Variants in P4HA3 observed in about 807,000 individuals in gnomAD.
The protein encoded by P4HA3 is prolyl 4-hydroxylase subunit alpha-3.
P4HA3 carries 60 observed loss-of-function variants against 66.7 expected under a neutral mutation model. The ratio of observed to expected loss-of-function variants is 0.90; its 90% CI spans 0.73 to 1.12. P4HA3 has a LOEUF of 1.12. Ranked by LOEUF, P4HA3 falls within the 50% of genes most tolerant of loss-of-function variation. The pLI is 0.00. For synonymous variants in P4HA3, 263 were observed against 274.6 expected (o/e 0.96, Z 0.42); for missense variants, 683 against 685.8 (o/e 1.00, Z 0.05).
At chr11:74,273,988 T>A (rs1480464466) in intron 9 of P4HA3, among the ~76,000 whole-genome samples, 3 of 152,160 alleles carry the variant, frequency 2.0e-5, no homozygotes, top group African/African-American at 7.2e-5. Flanking sequence ...AATTACTTGC[T>A]GAAGAGACAT....
intron 4 of P4HA3, among the ~76,000 whole-genome samples, chr11:74,297,537 A>G (rs1372798297): frequency 6.6e-6 from 1 of 152,204 alleles, no homozygotes; most frequent in Non-Finnish European, 1.5e-5. Context: ...GGTTAGCTAT[A>G]CAAAAGCTAT....
chr11:74,303,887 A>C (rs1008402415), intron 2 of P4HA3, among the ~76,000 whole-genome samples: 1 of 152,098 alleles, frequency 6.6e-6, no homozygotes, highest in African/African-American at 2.4e-5. Flanking sequence ...CTGGCCGTCA[A>C]CAAACTTCTT....
rs1046754753 is a variant in P4HA3, at chr11:74,311,420, G to T, written c.192C>A (p.Asp64Glu). The change falls in exon 1 of 13, where the codon GAC (aspartate) becomes GAA (glutamate). Residue 64 changes from aspartate (D) to glutamate (E), a missense_variant. Physicochemically the swap from Asp to Glu is conservative, Grantham distance 45. Coordinates refer to ENST00000331597, the MANE Select transcript of P4HA3 (RefSeq NM_182904.5). ...ACTCGTCGTGCCCTCACCTAGTCAG[G>T]TCCCGCAGCCGCGCCTCCTCCCCGC... The part of the protein sequence containing the change: ...YLRGEEARLR[D>E]LTRFYDKVLS... The T allele has an allele frequency of 6.5e-7, 1 of 1,526,932 alleles. No homozygotes were observed. Among genetic ancestry groups the T allele is most frequent in the South Asian group, 1.2e-5 (1 of 81,170 alleles). 94.6% of individuals were successfully genotyped at this position (1,526,932 alleles called of 1,614,324 possible).
chr11:74,267,244 C>T lies in P4HA3; in HGVS notation c.*4G>A. The T allele has an allele frequency of 1.2e-6, 2 of 1,614,198 alleles. No individual in the cohort carries two copies. The highest frequency in any genetic ancestry group is 8.5e-7 in the Non-Finnish European group (1 of 1,180,032). On this transcript the variant is annotated 3_prime_UTR_variant, in exon 13 of 13. Transcript: ENST00000331597. Reference sequence around the variant, plus strand: ...GACTCCACCAGCTTCTCTCTGCCAACAGTTCAGTCTTCAGGGCTGGAGCTG... The same window carrying T: ...GACTCCACCAGCTTCTCTCTGCCAATAGTTCAGTCTTCAGGGCTGGAGCTG...
chr11:74,301,121 A>G (rs1323048977), intron 3 of P4HA3, among the ~76,000 whole-genome samples: 1 of 152,128 alleles, frequency 6.6e-6, no homozygotes, highest in Non-Finnish European at 1.5e-5. Context: ...TTTTAGCTGT[A>G]TGTAACATGT....
At chr11:74,297,340 C>A (rs192456419) in intron 4 of P4HA3, among the ~76,000 whole-genome samples, 20 of 152,238 alleles carry the variant, frequency 1.3e-4, no homozygotes, top group African/African-American at 3.6e-4. Flanking sequence ...GAGAGTAAAT[C>A]TGTTTGGGCA....
intron 4 of P4HA3, among the ~76,000 whole-genome samples, chr11:74,289,941 T>C (rs1369066718): frequency 6.6e-6 from 1 of 152,208 alleles, no homozygotes; most frequent in African/African-American, 2.4e-5. Context: ...TGATTTATAA[T>C]CCTTTGGGTG....
intron 4 of P4HA3, among the ~76,000 whole-genome samples, chr11:74,294,021 G>A (rs1353433272): frequency 1.3e-5 from 2 of 152,146 alleles, no homozygotes; most frequent in African/African-American, 2.4e-5. Flanking sequence ...AAGTTCTCCT[G>A]GATAATATCC....
At chr11:74,277,605 A>G (rs1278995397) in intron 8 of P4HA3, among the ~76,000 whole-genome samples, 2 of 152,268 alleles carry the variant, frequency 1.3e-5, no homozygotes, top group Non-Finnish European at 2.9e-5. Context: ...TCACAGACTT[A>G]TAAAGATTGT....
In P4HA3 at chr11:74,298,328, T is replaced by A. The variant is rs866340766; in HGVS notation, c.601A>T (p.Ile201Phe). ...CTGACAGCCTCCTCCAGCCATGGAA[T>A]GGCATGGTAATAATCCCCCATGTCA... ...AYDMGDYYHA[I>F]PWLEEAVSLF... Residue 201 changes from isoleucine (I) to phenylalanine (F), a missense_variant, in exon 4 of 13, where the codon ATT becomes TTT. Ile to Phe is a conservative substitution (Grantham distance 21, BLOSUM62 0). Coordinates refer to ENST00000331597, the MANE Select transcript of P4HA3 (RefSeq NM_182904.5). 2 of 1,613,994 alleles carry A rather than the reference T, an allele frequency of 1.2e-6. No individual in the cohort carries two copies. The highest frequency in any genetic ancestry group is 1.7e-6 in the Non-Finnish European group (2 of 1,179,968).
chr11:74,273,174 G>A (rs1245186759), intron 10 of P4HA3, among the ~76,000 whole-genome samples: 1 of 152,064 alleles, frequency 6.6e-6, no homozygotes, highest in African/African-American at 2.4e-5. Context: ...TCATCTATGG[G>A]TTGTTTTTCA....
Position 74,250,852 on chromosome 11 carries a change from G to T in P4HA3, c.*1319-2851C>A, listed in dbSNP as rs1859639531. On this transcript the variant is annotated intron_variant and NMD_transcript_variant, in intron 15 of 15. Coordinates refer to the P4HA3 transcript ENST00000524388. The stretch of plus-strand genomic sequence containing the variant: ...GGTCCAGAGTATTGAGGTGAGGTTG[G>T]AAATGGGGAGGTAGGTCCTGGGCTC... 4 of 961,588 alleles carry T rather than the reference G, an allele frequency of 4.2e-6. No individual in the cohort carries two copies. In the Admixed American group the frequency reaches 6.1e-5, roughly 15 times the overall value. The allele number at this position is 961,588 out of a possible 1,614,324, so 59.6% of individuals were successfully genotyped here.
At chr11:74,308,226 A>G (rs915884616) in intron 1 of P4HA3, among the ~76,000 whole-genome samples, 2 of 152,146 alleles carry the variant, frequency 1.3e-5, no homozygotes, top group Admixed American at 1.3e-4. Context: ...AAAGGCAAAC[A>G]TAAAGGCTGG....
At chr11:74,263,388 C>T (rs1021430055), downstream of P4HA3, among the ~76,000 whole-genome samples, 4 of 152,148 alleles carry the variant, frequency 2.6e-5, no homozygotes, top group Admixed American at 6.5e-5. Context: ...GTTGGAGACC[C>T]CCCCTGCCCT....
At chr11:74,271,147 C>A (rs1160787146) in intron 10 of P4HA3, among the ~76,000 whole-genome samples, 4 of 152,160 alleles carry the variant, frequency 2.6e-5, no homozygotes, top group East Asian at 3.8e-4. Context: ...GGAGGTAGGA[C>A]GCTGGCCCTT....
intron 10 of P4HA3, among the ~76,000 whole-genome samples, chr11:74,272,219 TAC>T (rs10534821): frequency 0.73 from 110,362 of 150,388 alleles, 41,259 homozygotes; most frequent in African/African-American, 0.82. Flanking sequence ...TGCACACACA[TAC>T]ACACACACAC....
At chr11:74,302,307 ATAGT>A (rs1861431428) in intron 3 of P4HA3, 58 bp downstream of exon 3, 1 of 1,395,530 alleles carries the variant, frequency 7.2e-7, no homozygotes. Context: ...CAATCGGTAC[ATAGT>A]TATTTTATCC....
chr11:74,262,251 G>C (rs1299126651), downstream of P4HA3, among the ~76,000 whole-genome samples: 1 of 152,080 alleles, frequency 6.6e-6, no homozygotes, highest in Non-Finnish European at 1.5e-5. Flanking sequence ...GATTACACCA[G>C]GCTACCCATT....
chr11:74,261,430 G>T (rs1389805930), intron 14 of P4HA3, among the ~76,000 whole-genome samples: 1 of 152,200 alleles, frequency 6.6e-6, no homozygotes, highest in African/African-American at 2.4e-5. Flanking sequence ...TGGGAAAACA[G>T]GTTCTTAATC....
Sources: allele counts gnomAD v4.1 joint callset (sites outside exome capture counted in the v4.1 genomes callset), GRCh38; gene constraint gnomAD v4.1.1; transcripts MANE v1.5; gene names NCBI Gene and HGNC (gene_info 2026-07-23, HGNC 2026-07-21).